The following CLCF1 variants were observed in gnomAD, a reference collection of about 807,000 sequenced individuals.
CLCF1 encodes cardiotrophin-like cytokine factor 1.
In CLCF1, 10 loss-of-function variants were observed where a neutral mutation model predicts 21.2. That is an observed-to-expected ratio of 0.47 (90% CI 0.29 to 0.80). CLCF1 has a LOEUF of 0.80. Ranked by LOEUF, CLCF1 falls within the 30% of genes least tolerant of loss-of-function variation. CLCF1 has a pLI of 0.09. For missense variants in CLCF1, 240 were observed against 293.4 expected, an observed-to-expected ratio of 0.82 and a Z score of 1.33; for synonymous variants, 115 against 120.5, an observed-to-expected ratio of 0.95 and a Z score of 0.30.
At chr11:67,373,669 G>A, upstream of CLCF1, 5 of 1,255,002 alleles carry the variant, frequency 4.0e-6, no homozygotes, top group Non-Finnish European at 5.0e-6. Context: ...TTTTTCGCTC[G>A]GTTTCGGATT....
At position 67,373,000 on chromosome 11, in the gene CLCF1, C is replaced by T. The variant is rs1304314110; in HGVS notation, c.16+524G>A. 6.6e-6 allele frequency among the ~76,000 whole-genome samples: 1 copy of T among 151,010 alleles called. No homozygotes were observed. The highest frequency in any genetic ancestry group is 2.1e-4 in the South Asian group (1 of 4,824). ...GCCAGGCTCGGCGCTGCCCTCCGCC[C>T]TCCTCTCCGCCGCCCGCCCTTCCTC... On this transcript the variant is annotated intron_variant, in intron 1 of 2. Transcript: ENST00000312438. The surrounding 1 kb of genome is among the most constrained non-coding windows in gnomAD (Gnocchi z 5.9).
At chr11:67,371,750 G>C (rs564975335) in intron 1 of CLCF1, among the ~76,000 whole-genome samples, 12 of 152,112 alleles carry the variant, frequency 7.9e-5, no homozygotes, top group African/African-American at 2.7e-4. Context: ...AGGGGCGTGG[G>C]GGGGGAGGAG....
intron 1 of CLCF1, chr11:67,369,002 GGTT>G: frequency 1.0e-6 from 1 of 967,900 alleles, no homozygotes. Flanking sequence ...TAATGACATA[GGTT>G]GCTTTGATAG....
chr11:67,365,965 A>G lies in CLCF1; in HGVS notation c.184-335T>C, dbSNP rs967901138. Reference sequence around the variant, plus strand: ...TGCCCGCTGTGGGGGCAGGACAGAGAGGAAGAGGAGCCTGGAGGAGCTGGA... The same window carrying G: ...TGCCCGCTGTGGGGGCAGGACAGAGGGGAAGAGGAGCCTGGAGGAGCTGGA... On this transcript the variant is annotated intron_variant, in intron 2 of 2. Coordinates refer to ENST00000312438, the MANE Select transcript of CLCF1 (RefSeq NM_013246.3). This position sits in a 1 kb window ranked among gnomAD's most constrained non-coding sequence, Gnocchi z 5.0. Among the ~76,000 whole-genome samples, 2 of 152,144 alleles carry G rather than the reference A, an allele frequency of 1.3e-5. No homozygotes were observed. The highest frequency in any genetic ancestry group is 2.9e-5 in the Non-Finnish European group (2 of 68,016).
chr11:67,367,624 C>A lies in CLCF1; in HGVS notation c.19G>T (p.Asp7Tyr). ...AGGCACGCTAACATCCCCCACGAGT[C>A]CCCTGTGGGCAGGATGGACGAGAAG... Reference protein sequence around the residue: MDLRAGDSWGMLACLCT... With the variant: MDLRAGYSWGMLACLCT... Residue 7 changes from aspartate (D) to tyrosine (Y), a missense_variant and splice_region_variant, in exon 2 of 3, where the codon GAC becomes TAC. By Grantham distance (160) the Asp-to-Tyr change is radical. Transcript: ENST00000312438. 6.2e-7 allele frequency: 1 copy of A among 1,612,942 alleles called. No individual in the cohort carries two copies. Among genetic ancestry groups the A allele is most frequent in the Non-Finnish European group, 8.5e-7 (1 of 1,179,916 alleles).
upstream of CLCF1, chr11:67,373,947 A>C: frequency 1.0e-6 from 1 of 999,564 alleles, no homozygotes; most frequent in Non-Finnish European, 1.2e-6. Flanking sequence ...GAGCCGGGGG[A>C]CAGCGCCGGC....
At chr11:67,367,320 A>G in intron 2 of CLCF1, 140 bp downstream of exon 2, 2 of 1,345,840 alleles carry the variant, frequency 1.5e-6, no homozygotes, top group Non-Finnish European at 2.1e-6. Flanking sequence ...AGGGCAGGAG[A>G]TAGACCAGAC....
intron 1 of CLCF1, chr11:67,370,853 G>C (rs1375865475): frequency 2.0e-6 from 2 of 985,216 alleles, no homozygotes; most frequent in Admixed American, 6.1e-5. Context: ...TCTGCACCTG[G>C]GACTATAAGA....
chr11:67,366,057 C>T (rs1292697353), intron 2 of CLCF1, among the ~76,000 whole-genome samples: 3 of 152,158 alleles, frequency 2.0e-5, no homozygotes, highest in Non-Finnish European at 4.4e-5. Context: ...CAGCAGCGCT[C>T]AGCAGTGTGG....
rs1054056107 is a variant in CLCF1, at chr11:67,372,659, G to C, written c.16+865C>G. ...GGGCGGGGGCGGGGTCCGGGGCACC[G>C]GGCTCCGGGCTCTGCCCGGCGCTGC... On this transcript the variant is annotated intron_variant, in intron 1 of 2. Transcript: ENST00000312438. This position sits in a 1 kb window ranked among gnomAD's most constrained non-coding sequence, Gnocchi z 5.9. Among the ~76,000 whole-genome samples the C allele has an allele frequency of 2.0e-5, 3 of 149,020 alleles. No homozygotes were observed. Among genetic ancestry groups the C allele is most frequent in the Non-Finnish European group, 3.0e-5 (2 of 66,876 alleles).
At chr11:67,370,242 A>G in intron 1 of CLCF1, 1 of 985,320 alleles carries the variant, frequency 1.0e-6, no homozygotes, top group African/African-American at 1.7e-5. Context: ...TTTAGTCGTG[A>G]GCTTGGGAAC....
rs1862137728 is a variant in CLCF1, at chr11:67,367,532, G to A, written c.111C>T (p.Gly37=). 2 of 1,614,224 alleles carry A rather than the reference G, an allele frequency of 1.2e-6. No homozygotes were observed. Among genetic ancestry groups the A allele is most frequent in the South Asian group, 1.1e-5 (1 of 91,086 alleles). Residue 37 remains glycine (G), a synonymous_variant, in exon 2 of 3, where the codon GGC becomes GGT. Coordinates refer to ENST00000312438, the MANE Select transcript of CLCF1 (RefSeq NM_013246.3). ...GGTCATAGGTTTTCTGGATGGAGGG[G>A]CCAGGCCCTGGGTCCCCTGTGCGAT... ...ALNRTGDPGP[G]PSIQKTYDLT...
chr11:67,369,136 A>G, intron 1 of CLCF1: 1 of 985,310 alleles, frequency 1.0e-6, no homozygotes, highest in Non-Finnish European at 1.2e-6. Flanking sequence ...GGAGAGGGCT[A>G]ATAACTAGGA....
upstream of CLCF1, chr11:67,373,915 C>T: frequency 1.0e-6 from 1 of 963,378 alleles, no homozygotes; most frequent in Non-Finnish European, 1.3e-6. Context: ...GGGAGGCCAT[C>T]AGTCCGTCTG....
chr11:67,372,996 C>T lies in CLCF1; in HGVS notation c.16+528G>A, dbSNP rs1404628813. ...CCCAGCCAGGCTCGGCGCTGCCCTC[C>T]GCCCTCCTCTCCGCCGCCCGCCCTT... On this transcript the variant is annotated intron_variant, in intron 1 of 2. Coordinates refer to ENST00000312438, the MANE Select transcript of CLCF1 (RefSeq NM_013246.3). This position sits in a 1 kb window ranked among gnomAD's most constrained non-coding sequence, Gnocchi z 5.9. 6.6e-6 allele frequency among the ~76,000 whole-genome samples: 1 copy of T among 150,650 alleles called. No homozygotes were observed. The highest frequency in any genetic ancestry group is 6.6e-5 in the Admixed American group (1 of 15,186).
chr11:67,368,362 A>AT (rs1409219042), intron 1 of CLCF1: 2 of 985,204 alleles, frequency 2.0e-6, no homozygotes, highest in Non-Finnish European at 2.4e-6. Flanking sequence ...TTGGACTTCA[A>AT]TGAGGCCTTT....
rs141954460 is a variant in CLCF1 at position 67,367,619 on chromosome 11, C to T, written c.24G>A (p.Ser8=). The T allele has an allele frequency of 1.6e-3, 2,622 of 1,613,254 alleles. 1 individual carries two copies. The highest frequency in any genetic ancestry group is 2.0e-3 in the Non-Finnish European group (2,404 of 1,179,958). MDLRAGD[S]WGMLACLCTV... is the part of the protein sequence containing the mutation. ...TGCACAGGCACGCTAACATCCCCCA[C>T]GAGTCCCCTGTGGGCAGGATGGACG... The change falls in exon 2 of 3, where the codon TCG becomes TCA. Residue 8 remains serine, a synonymous_variant. Coordinates refer to ENST00000312438, the MANE Select transcript of CLCF1 (RefSeq NM_013246.3).
chr11:67,374,042 C>G (rs1041283289), upstream of CLCF1: 10 of 986,024 alleles, frequency 1.0e-5, no homozygotes, highest in Middle Eastern at 5.1e-4. Context: ...CCTGATCCAA[C>G]CTACCTCTGC....
chr11:67,368,322 AC>A (rs1482459413), intron 1 of CLCF1: 1 of 984,818 alleles, frequency 1.0e-6, no homozygotes, highest in Admixed American at 6.2e-5. Context: ...GTGGAGGTTC[AC>A]CCCGTTCTTG....
Sources: allele counts gnomAD v4.1 joint callset (sites outside exome capture counted in the v4.1 genomes callset), GRCh38; gene constraint gnomAD v4.1.1; non-coding constraint Gnocchi (gnomAD v3.1); transcripts MANE v1.5; gene names NCBI Gene and HGNC (gene_info 2026-07-23, HGNC 2026-07-21).